Variants in CREBL2 observed in about 807,000 individuals in gnomAD.
CREBL2 encodes the protein cAMP responsive element binding protein like 2.
CREBL2 carries 4 observed loss-of-function variants against 19.5 expected under a neutral mutation model. The ratio of observed to expected loss-of-function variants is 0.20; its 90% confidence interval spans 0.10 to 0.47. CREBL2 has a LOEUF of 0.47. Among genes scored for constraint, CREBL2 ranks in the 20% least tolerant of loss-of-function variants. The pLI is 0.98. For missense variants in CREBL2, 85 were observed against 145.1 expected, an observed-to-expected ratio of 0.59 and a Z score of 2.13; for synonymous variants, 42 against 46.6, an observed-to-expected ratio of 0.90 and a Z score of 0.40.
At chr12:12,634,827 A>G (rs2136305785) in intron 1 of CREBL2, among the ~76,000 whole-genome samples, 1 of 152,284 alleles carries the variant, frequency 6.6e-6, no homozygotes, top group East Asian at 1.9e-4. Context: ...AGGCGGAGGC[A>G]GGAGGATCGC....
chr12:12,620,967 T>C (rs1053939497), intron 1 of CREBL2, among the ~76,000 whole-genome samples: 4 of 152,100 alleles, frequency 2.6e-5, no homozygotes, highest in African/African-American at 9.7e-5. Flanking sequence ...CAGACATGGG[T>C]TTACAGAGTA....
intron 1 of CREBL2, among the ~76,000 whole-genome samples, chr12:12,628,677 C>G (rs186429885): frequency 2.0e-5 from 3 of 152,224 alleles, no homozygotes; most frequent in Admixed American, 2.0e-4. Flanking sequence ...GTGGCACAAA[C>G]CCAGCTTCAC....
At chr12:12,631,915 A>G (rs1945445007) in intron 1 of CREBL2, among the ~76,000 whole-genome samples, 1 of 152,116 alleles carries the variant, frequency 6.6e-6, no homozygotes, top group Non-Finnish European at 1.5e-5. Flanking sequence ...CTCTCTTAGA[A>G]CTTTAGGCAT....
intron 3 of CREBL2, among the ~76,000 whole-genome samples, chr12:12,640,680 A>C (rs754483374): frequency 6.6e-6 from 1 of 152,196 alleles, no homozygotes; most frequent in Non-Finnish European, 1.5e-5. Flanking sequence ...ATTAATATGA[A>C]ATCTTCACAA....
At chr12:12,636,587 T>G (rs1405014582) in intron 2 of CREBL2, among the ~76,000 whole-genome samples, 2 of 151,788 alleles carry the variant, frequency 1.3e-5, no homozygotes, top group Non-Finnish European at 1.5e-5. Context: ...GCCCGGCTAA[T>G]TTTTTTTGTA....
At chr12:12,616,024 GTATC>G (rs1193457509) in intron 1 of CREBL2, 1 of 152,192 alleles carries the variant, frequency 6.6e-6, no homozygotes, top group Non-Finnish European at 1.5e-5. Context: ...TATTAACACT[GTATC>G]TATTATCTTG....
rs1471555668 is a variant in CREBL2, at chr12:12,644,174, T to G, written c.*2176T>G. On this transcript the variant is annotated 3_prime_UTR_variant, in exon 4 of 4. Transcript: ENST00000228865. ...ATTTTGGGCGAAGTTAAATTACAAT[T>G]TATTTGAGGTTATTCCTAAACCTAT... The G allele has an allele frequency of 1.3e-5, 2 of 152,362 alleles. No individual in the cohort carries two copies. Among genetic ancestry groups the G allele is most frequent in the African/African-American group, 4.8e-5 (2 of 41,434 alleles). The allele number at this position is 152,362 out of a possible 1,614,324, so 9.4% of individuals were successfully genotyped here.
At chr12:12,637,449 T>C (rs1292550908) in intron 2 of CREBL2, 121 bp from the exon 3 acceptor site, 1 of 545,198 alleles carries the variant, frequency 1.8e-6, no homozygotes, top group Non-Finnish European at 2.6e-6. Flanking sequence ...GAACGTGACC[T>C]CTAGCCATGG....
At chr12:12,621,510 C>G (rs6488539) in intron 1 of CREBL2, among the ~76,000 whole-genome samples, 69,100 of 143,432 alleles carry the variant, frequency 0.48, 18,851 homozygotes, top group Non-Finnish European at 0.6. Flanking sequence ...AAGAGCAAAA[C>G]TCCGTCTCAA....
intron 1 of CREBL2, among the ~76,000 whole-genome samples, chr12:12,623,936 G>A (rs1478233743): frequency 6.6e-6 from 1 of 152,228 alleles, no homozygotes; most frequent in African/African-American, 2.4e-5. Flanking sequence ...TTGCAGTGAT[G>A]TGGCTACAAG....
intron 1 of CREBL2, among the ~76,000 whole-genome samples, chr12:12,616,361 A>G (rs144082780): frequency 0.01 from 1,529 of 152,340 alleles, 21 homozygotes; most frequent in African/African-American, 0.035. Context: ...AGGGCAAGCT[A>G]TCCGTGAATT....
At position 12,613,917 on chromosome 12, in the gene CREBL2, AT is replaced by A. The variant is rs36102670; in HGVS notation, c.15+1745del. Among the ~76,000 whole-genome samples, 208 of 136,022 alleles carry A rather than the reference AT, an allele frequency of 1.5e-3. 3 individuals are homozygous for A. The highest frequency in any genetic ancestry group is 4.3e-3 in the African/African-American group (156 of 36,182). 89.2% of individuals were successfully genotyped at this position (136,022 alleles called of 152,430 possible). A position where few individuals can be genotyped will look rare whatever the true frequency, so the allele number is the denominator to read the frequency against. On this transcript the variant is annotated intron_variant, in intron 1 of 3. Transcript: ENST00000228865. The stretch of plus-strand genomic sequence containing the variant: ...AGTTTTCCAGAAAAATCAGCAAGTA[AT>A]TTTTTTTTTTTTTTGCTTTGAATAT...
At chr12:12,613,888 T>C (rs1301170824) in intron 1 of CREBL2, among the ~76,000 whole-genome samples, 1 of 147,930 alleles carries the variant, frequency 6.8e-6, no homozygotes, top group African/African-American at 2.5e-5. Flanking sequence ...GGTAGCGTTC[T>C]AAAAGTTTTC....
rs1945544108 is a variant in CREBL2, at chr12:12,643,688, T to A, written c.*1690T>A. On this transcript the variant is annotated 3_prime_UTR_variant, in exon 4 of 4. Transcript: ENST00000228865. ...TAGTCTAGTCTAGTCTAGTCTAGTC[T>A]AGTCATGTGTGACTGTGTACTGAGA... is the stretch of plus-strand genomic sequence containing the variant. 6.9e-6 allele frequency: 1 copy of A among 145,554 alleles called. No individual in the cohort carries two copies. Among genetic ancestry groups the A allele is most frequent in the Non-Finnish European group, 1.5e-5 (1 of 65,896 alleles). 9.0% of individuals were successfully genotyped at this position (145,554 alleles called of 1,614,324 possible). A position where few individuals can be genotyped will look rare whatever the true frequency, so the allele number is the denominator to read the frequency against.
intron 3 of CREBL2, among the ~76,000 whole-genome samples, chr12:12,638,576 T>A (rs932820601): frequency 6.6e-6 from 1 of 152,142 alleles, no homozygotes; most frequent in Non-Finnish European, 1.5e-5. Flanking sequence ...GGCACGAATC[T>A]AGCTTTTTGT....
chr12:12,641,344 G>C (rs2136308464), intron 3 of CREBL2, among the ~76,000 whole-genome samples: 1 of 142,410 alleles, frequency 7.0e-6, no homozygotes, highest in Middle Eastern at 3.8e-3. Context: ...GTCTCGCTCT[G>C]TCACCCAGGC....
At chr12:12,616,868 T>A (rs117381455) in intron 1 of CREBL2, among the ~76,000 whole-genome samples, 1 of 152,270 alleles carries the variant, frequency 6.6e-6, no homozygotes, top group East Asian at 1.9e-4. Flanking sequence ...TAAAGGATGA[T>A]AAACTGGCTG....
intron 3 of CREBL2, among the ~76,000 whole-genome samples, chr12:12,638,848 A>G (rs1945496452): frequency 6.6e-6 from 1 of 152,208 alleles, no homozygotes; most frequent in Non-Finnish European, 1.5e-5. Context: ...TTCACATAAC[A>G]TAAAAATTGA....
At chr12:12,640,752 A>G (rs1389568935) in intron 3 of CREBL2, among the ~76,000 whole-genome samples, 1 of 152,240 alleles carries the variant, frequency 6.6e-6, no homozygotes, top group South Asian at 2.1e-4. Flanking sequence ...AGTTTCCGCA[A>G]CAGAGTTCTT....
Sources: allele counts gnomAD v4.1 joint callset (sites outside exome capture counted in the v4.1 genomes callset), GRCh38; gene constraint gnomAD v4.1.1; transcripts MANE v1.5; gene names NCBI Gene and HGNC (gene_info 2026-07-23, HGNC 2026-07-21).